AFF2: variants seen among roughly 807,000 people sequenced by gnomAD.
AFF2 encodes ALF transcription elongation factor 2.
In AFF2, 14 loss-of-function variants were observed where a neutral mutation model predicts 76.9. The ratio of observed to expected loss-of-function variants is 0.18; its 90% CI spans 0.12 to 0.28. The LOEUF is 0.28. Among genes scored for constraint, AFF2 ranks in the 10% least tolerant of loss-of-function variants. The pLI is 1.00. For missense variants in AFF2, 868 were observed against 1,001.1 expected (o/e 0.87, Z 1.79); for synonymous variants, 398 against 366.7 (o/e 1.09, Z -0.98).
At chrX:148,698,002 TCTC>T (rs2054740728) in intron 3 of AFF2, among the ~76,000 whole-genome samples, 2 of 112,489 alleles carry the variant, frequency 1.8e-5, no homozygotes, top group Admixed American at 1.9e-4. Flanking sequence ...AAATTCCAGA[TCTC>T]CTCAGAAGTG....
intron 9 of AFF2, among the ~76,000 whole-genome samples, chrX:148,945,411 C>T (rs782151727): frequency 8.9e-6 from 1 of 112,265 alleles, no homozygotes; most frequent in Non-Finnish European, 1.9e-5. Context: ...ATTCACAGTT[C>T]ACCTTAAAAT....
At chrX:148,822,723 G>A (rs2070343633) in intron 4 of AFF2, among the ~76,000 whole-genome samples, 1 of 109,136 alleles carries the variant, frequency 9.2e-6, no homozygotes, top group South Asian at 4.1e-4. Context: ...GTGTGTGTGT[G>A]TGTGTGTGTG....
intron 1 of AFF2, among the ~76,000 whole-genome samples, chrX:148,508,686 A>G (rs782499518): frequency 8.9e-6 from 1 of 112,237 alleles, no homozygotes; most frequent in South Asian, 3.7e-4. Flanking sequence ...TAATTTTCCA[A>G]AGGACTGATT....
At chrX:148,585,954 C>A (rs782164851) in intron 1 of AFF2, among the ~76,000 whole-genome samples, 169 of 110,883 alleles carry the variant, frequency 1.5e-3, no homozygotes, top group African/African-American at 5.3e-3. Flanking sequence ...TGGGAACATA[C>A]TACATTGTTG....
At chrX:148,739,711 G>A (rs1339885733) in intron 3 of AFF2, among the ~76,000 whole-genome samples, 2 of 110,382 alleles carry the variant, frequency 1.8e-5, no homozygotes, top group Non-Finnish European at 3.8e-5. Flanking sequence ...TTTTCTTTTC[G>A]GTTTTTAACT....
intron 1 of AFF2, among the ~76,000 whole-genome samples, chrX:148,620,569 A>C: frequency 9.1e-6 from 1 of 110,282 alleles, no homozygotes. Flanking sequence ...TTTGGGTTGT[A>C]ATATAGACTG....
At chrX:148,511,734 A>G (rs994688455) in intron 1 of AFF2, among the ~76,000 whole-genome samples, 2 of 112,938 alleles carry the variant, frequency 1.8e-5, no homozygotes, top group Admixed American at 1.9e-4. Context: ...TCTCAAAGTC[A>G]CATGATTAGC....
At position 148,904,176 on chromosome X, in the gene AFF2, A is replaced by T. The variant is rs782663691; in HGVS notation, c.1360-45A>T. 8 of 840,403 alleles carry T rather than the reference A, an allele frequency of 9.5e-6. No homozygotes were observed. In the East Asian group the frequency reaches 2.5e-4, roughly 27 times the overall value. 69.3% of individuals were successfully genotyped at this position (840,403 alleles called of 1,213,427 possible). Reference sequence around the variant, plus strand: ...GTTTTGGTAGCTAGTTGCAATGATTATGCCTGCTAATATTGTCTAATTGCA... The same window carrying T: ...GTTTTGGTAGCTAGTTGCAATGATTTTGCCTGCTAATATTGTCTAATTGCA... On this transcript the variant is annotated intron_variant, in intron 8 of 20. Transcript: ENST00000370460.
chrX:148,839,754 A>G (rs1363428635), intron 5 of AFF2, among the ~76,000 whole-genome samples: 1 of 111,291 alleles, frequency 9.0e-6, no homozygotes. Flanking sequence ...TACATCCATG[A>G]CAGAGCTTGC....
intron 12 of AFF2, among the ~76,000 whole-genome samples, chrX:148,960,205 A>T (rs1399222403): frequency 1.8e-5 from 2 of 112,398 alleles, no homozygotes; most frequent in Non-Finnish European, 3.8e-5. Flanking sequence ...TTACATTTAT[A>T]CATTACACAA....
At chrX:148,822,236 A>G (rs1047409648) in intron 4 of AFF2, 2 of 111,474 alleles carry the variant, frequency 1.8e-5, no homozygotes, top group African/African-American at 6.5e-5. Context: ...TGACTACCCT[A>G]TGTTCTCCTA....
intron 10 of AFF2, among the ~76,000 whole-genome samples, chrX:148,954,190 T>A (rs1557286949): frequency 8.9e-6 from 1 of 112,722 alleles, no homozygotes; most frequent in African/African-American, 3.2e-5. Flanking sequence ...GTAAAATGAT[T>A]ATTTAAATGT....
chrX:148,971,127 T>G (rs1355524078), intron 15 of AFF2, among the ~76,000 whole-genome samples: 1 of 89,294 alleles, frequency 1.1e-5, no homozygotes, highest in African/African-American at 4.6e-5. Flanking sequence ...AACTTCATTG[T>G]TTTTTTTTTT....
At chrX:148,608,924 G>A (rs1557249153) in intron 1 of AFF2, among the ~76,000 whole-genome samples, 1 of 111,730 alleles carries the variant, frequency 9.0e-6, no homozygotes, top group African/African-American at 3.3e-5. Flanking sequence ...TTCCATTAAA[G>A]GAGAGTGGCA....
chrX:148,918,006 C>T (rs1479182131), intron 9 of AFF2, among the ~76,000 whole-genome samples: 2 of 111,571 alleles, frequency 1.8e-5, no homozygotes, highest in African/African-American at 6.5e-5. Flanking sequence ...TCGGGGGTTG[C>T]GCCAATGCTT....
intron 3 of AFF2, among the ~76,000 whole-genome samples, chrX:148,800,913 C>T (rs1317869474): frequency 8.9e-5 from 10 of 112,179 alleles, no homozygotes; most frequent in African/African-American, 3.2e-4. Flanking sequence ...TCAGAAACTC[C>T]GTCTAATGTT....
At chrX:148,696,020 A>G (rs2124508016) in intron 3 of AFF2, among the ~76,000 whole-genome samples, 1 of 112,299 alleles carries the variant, frequency 8.9e-6, no homozygotes, top group African/African-American at 3.2e-5. Context: ...CCACAAGACA[A>G]AGAAACAAAT....
intron 1 of AFF2, among the ~76,000 whole-genome samples, chrX:148,534,655 A>G (rs1371584262): frequency 8.9e-6 from 1 of 112,628 alleles, no homozygotes; most frequent in East Asian, 2.8e-4. Context: ...GCACAAAAAA[A>G]GACTCTTAAT....
intron 1 of AFF2, among the ~76,000 whole-genome samples, chrX:148,597,823 G>C (rs1329066070): frequency 8.9e-6 from 1 of 112,220 alleles, no homozygotes; most frequent in Non-Finnish European, 1.9e-5. Flanking sequence ...TATCCCGCCG[G>C]CGCCTTATTG....
Sources: allele counts gnomAD v4.1 joint callset (sites outside exome capture counted in the v4.1 genomes callset), GRCh38; gene constraint gnomAD v4.1.1; transcripts MANE v1.5; gene names NCBI Gene and HGNC (gene_info 2026-07-23, HGNC 2026-07-21).